Variants in ADAM32 observed in about 807,000 individuals in gnomAD.
ADAM32 encodes disintegrin and metalloproteinase domain-containing protein 32.
In ADAM32, 89 loss-of-function variants were observed where a neutral mutation model predicts 114.9. That is an observed-to-expected ratio of 0.77 (90% CI 0.65 to 0.92). The LOEUF is 0.92. Among genes scored for constraint, ADAM32 ranks in the 40% least tolerant of loss-of-function variants. The pLI is 0.00. For synonymous variants in ADAM32, 285 were observed against 307.5 expected, an observed-to-expected ratio of 0.93 and a Z score of 0.77; for missense variants, 870 against 932.8, an observed-to-expected ratio of 0.93 and a Z score of 0.88.
intron 14 of ADAM32, among the ~76,000 whole-genome samples, chr8:39,230,443 T>G (rs1184812651): frequency 6.6e-6 from 1 of 152,228 alleles, no homozygotes; most frequent in African/African-American, 2.4e-5. Flanking sequence ...GACTATACTT[T>G]CAGCAGAATT....
At chr8:39,142,571 T>C (rs1377626356) in intron 3 of ADAM32, among the ~76,000 whole-genome samples, 1 of 152,208 alleles carries the variant, frequency 6.6e-6, no homozygotes, top group Non-Finnish European at 1.5e-5. Flanking sequence ...CCGAGAGATC[T>C]GCTGTTAGTC....
chr8:39,258,120 G>A (rs556199196), intron 19 of ADAM32, among the ~76,000 whole-genome samples: 1 of 150,586 alleles, frequency 6.6e-6, no homozygotes, highest in African/African-American at 2.4e-5. Flanking sequence ...ATTTTGGTTT[G>A]TTTGTTTTGT....
chr8:39,258,081 A>G (rs1002386241), intron 19 of ADAM32, among the ~76,000 whole-genome samples: 8 of 151,182 alleles, frequency 5.3e-5, no homozygotes, highest in Non-Finnish European at 1.0e-4. Flanking sequence ...AAATAGCTAT[A>G]CTTTCTCTGC....
At position 39,223,475 on chromosome 8, in the gene ADAM32, G is replaced by A. The variant is rs114421103; in HGVS notation, c.1525+237G>A. On this transcript the variant is annotated intron_variant, in intron 14 of 24. Coordinates refer to ENST00000379907, the MANE Select transcript of ADAM32 (RefSeq NM_145004.7). Reference sequence around the variant, plus strand: ...AAACATATACGCGCTAATTCTTCTTGTTAATGTTTATATTTTTTCCATCTT... The same window carrying A: ...AAACATATACGCGCTAATTCTTCTTATTAATGTTTATATTTTTTCCATCTT... 3.9e-3 allele frequency: 880 copies of A among 224,472 alleles called. 10 individuals are homozygous for A. Among genetic ancestry groups the A allele is most frequent in the African/African-American group, 0.019 (829 of 43,724 alleles). 13.9% of individuals were successfully genotyped at this position (224,472 alleles called of 1,614,324 possible).
chr8:39,111,025 C>T (rs1840134799), intron 1 of ADAM32, among the ~76,000 whole-genome samples: 1 of 152,170 alleles, frequency 6.6e-6, no homozygotes, highest in Non-Finnish European at 1.5e-5. Context: ...GCTTAATTCA[C>T]TTGCATAATG....
intron 13 of ADAM32, among the ~76,000 whole-genome samples, chr8:39,222,148 C>T (rs1809014990): frequency 6.6e-6 from 1 of 151,984 alleles, no homozygotes; most frequent in Non-Finnish European, 1.5e-5. Context: ...TGTAGCATAA[C>T]ATTTAAACTT....
chr8:39,147,093 G>A, intron 3 of ADAM32, 37 bp from the exon 4 acceptor site: 1 of 817,052 alleles, frequency 1.2e-6, no homozygotes, highest in Non-Finnish European at 1.7e-6. Flanking sequence ...GTTTCAAAAA[G>A]AATAATTAAA....
chr8:39,255,915 T>C (rs1811622555), intron 18 of ADAM32, among the ~76,000 whole-genome samples: 1 of 152,002 alleles, frequency 6.6e-6, no homozygotes. Flanking sequence ...AGGTGAGAGA[T>C]GAGGATCTGG....
chr8:39,126,365 G>T (rs1354442576), intron 2 of ADAM32, among the ~76,000 whole-genome samples: 3 of 152,148 alleles, frequency 2.0e-5, no homozygotes. Context: ...GGAGTGGTTT[G>T]TAGTTCTCCT....
chr8:39,227,057 T>A (rs1335087255), intron 14 of ADAM32, among the ~76,000 whole-genome samples: 1 of 152,112 alleles, frequency 6.6e-6, no homozygotes, highest in Non-Finnish European at 1.5e-5. Flanking sequence ...GTGTGGTGGC[T>A]CACATTGTGA....
chr8:39,150,521 T>A (rs1236705780), intron 5 of ADAM32, among the ~76,000 whole-genome samples: 1 of 152,210 alleles, frequency 6.6e-6, no homozygotes, highest in Non-Finnish European at 1.5e-5. Context: ...ATAAAAATAC[T>A]CATTTTTCTG....
At chr8:39,191,141 T>C (rs375080796) in intron 11 of ADAM32, among the ~76,000 whole-genome samples, 11 of 152,236 alleles carry the variant, frequency 7.2e-5, no homozygotes, top group East Asian at 3.8e-4. Flanking sequence ...ATTGTCTTCA[T>C]CTAGTCTACC....
At chr8:39,135,342 T>C (rs1802731578) in intron 2 of ADAM32, among the ~76,000 whole-genome samples, 2 of 152,184 alleles carry the variant, frequency 1.3e-5, no homozygotes, top group South Asian at 2.1e-4. Flanking sequence ...ATGCCTGTTA[T>C]GCTTCTTTTG....
chr8:39,214,554 AGTT>A (rs1808439046), intron 12 of ADAM32, among the ~76,000 whole-genome samples: 1 of 151,904 alleles, frequency 6.6e-6, no homozygotes, highest in Non-Finnish European at 1.5e-5. Context: ...TTTCCTATAG[AGTT>A]GTTTGAGCTC....
intron 11 of ADAM32, among the ~76,000 whole-genome samples, chr8:39,191,636 A>G (rs936096827): frequency 6.6e-6 from 1 of 152,114 alleles, no homozygotes; most frequent in African/African-American, 2.4e-5. Flanking sequence ...TTCCTTATAG[A>G]TGCTGGATAT....
At chr8:39,184,986 G>C (rs904395218) in intron 10 of ADAM32, among the ~76,000 whole-genome samples, 1 of 152,118 alleles carries the variant, frequency 6.6e-6, no homozygotes, top group African/African-American at 2.4e-5. Context: ...TGTTGGGGCT[G>C]GGCGTGGTGG....
intron 4 of ADAM32, among the ~76,000 whole-genome samples, chr8:39,149,220 G>A (rs1011024197): frequency 1.3e-5 from 2 of 151,960 alleles, no homozygotes; most frequent in African/African-American, 2.4e-5. Context: ...ATATTTTGAA[G>A]CTGTGTTATT....
chr8:39,279,485 T>C (rs1475644202), intron 22 of ADAM32, among the ~76,000 whole-genome samples: 1 of 152,198 alleles, frequency 6.6e-6, no homozygotes, highest in Non-Finnish European at 1.5e-5. Flanking sequence ...GGTTTCACCA[T>C]CTTGGCCAGG....
At chr8:39,189,607 T>C (rs952071347) in intron 11 of ADAM32, among the ~76,000 whole-genome samples, 7 of 152,184 alleles carry the variant, frequency 4.6e-5, no homozygotes, top group Non-Finnish European at 8.8e-5. Context: ...ATCATTTATT[T>C]GTGTTGAAAA....
Sources: allele counts gnomAD v4.1 joint callset (sites outside exome capture counted in the v4.1 genomes callset), GRCh38; gene constraint gnomAD v4.1.1; transcripts MANE v1.5; gene names NCBI Gene and HGNC (gene_info 2026-07-23, HGNC 2026-07-21).